Variants in IL13RA1 observed in about 807,000 individuals in gnomAD.
The protein encoded by IL13RA1 is interleukin 13 receptor subunit alpha 1, also known as interleukin-13 receptor subunit alpha-1.
In IL13RA1, 14 loss-of-function variants were observed where a neutral mutation model predicts 33.8. The ratio of observed to expected loss-of-function variants is 0.41; its 90% CI spans 0.27 to 0.65. IL13RA1 has a LOEUF of 0.65. Among genes scored for constraint, IL13RA1 ranks in the 30% least tolerant of loss-of-function variants. IL13RA1 has a pLI of 0.28. For missense variants in IL13RA1, 313 were observed against 327.0 expected, an observed-to-expected ratio of 0.96 and a Z score of 0.33; for synonymous variants, 116 against 115.7, an observed-to-expected ratio of 1.00 and a Z score of -0.02.
downstream of IL13RA1, among the ~76,000 whole-genome samples, chrX:118,798,648 T>C (rs1350077762): frequency 1.8e-5 from 2 of 112,447 alleles, no homozygotes; most frequent in Non-Finnish European, 3.8e-5. Context: ...GTCCCCCTTC[T>C]TGGATTATGC....
At chrX:118,786,365 C>T (rs368206520) in intron 10 of IL13RA1, among the ~76,000 whole-genome samples, 4 of 108,658 alleles carry the variant, frequency 3.7e-5, no homozygotes, top group Non-Finnish European at 5.7e-5. Flanking sequence ...CACTCCAGCC[C>T]GGGCAACAGT....
intron 10 of IL13RA1, among the ~76,000 whole-genome samples, chrX:118,790,521 A>G (rs2017964325): frequency 8.9e-6 from 1 of 111,764 alleles, no homozygotes; most frequent in Non-Finnish European, 1.9e-5. Flanking sequence ...TTTCTGGGTC[A>G]TGTGGTAAGT....
intron 4 of IL13RA1, among the ~76,000 whole-genome samples, chrX:118,753,469 T>C (rs1327439504): frequency 8.9e-6 from 1 of 112,464 alleles, no homozygotes; most frequent in African/African-American, 3.2e-5. Context: ...TGGAGGTCGC[T>C]CAAGATGCAA....
chrX:118,743,106 G>A (rs1160014642), intron 2 of IL13RA1, among the ~76,000 whole-genome samples: 1 of 111,696 alleles, frequency 9.0e-6, no homozygotes, highest in African/African-American at 3.3e-5. Flanking sequence ...GATGAACACG[G>A]ATTATTCCTT....
chrX:118,803,452 C>G, the IL13RA1 span, among the ~76,000 whole-genome samples: 42 of 112,356 alleles, frequency 3.7e-4, no homozygotes, highest in African/African-American at 1.2e-3. Context: ...TCTGTAAATA[C>G]TTTAGTATAT....
At chrX:118,805,066 T>C in the IL13RA1 span, among the ~76,000 whole-genome samples, 79 of 111,907 alleles carry the variant, frequency 7.1e-4, no homozygotes, top group African/African-American at 2.4e-3. Context: ...GTTGACCAAC[T>C]CCTCTTCCTT....
intron 10 of IL13RA1, among the ~76,000 whole-genome samples, chrX:118,779,721 C>T (rs1037018619): frequency 1.8e-5 from 2 of 111,705 alleles, no homozygotes; most frequent in Non-Finnish European, 3.8e-5. Context: ...ATAATAGGAA[C>T]TTGAACTTAG....
intron 10 of IL13RA1, among the ~76,000 whole-genome samples, chrX:118,784,111 G>GTA (rs1569459394): frequency 2.8e-4 from 7 of 25,359 alleles, no homozygotes; most frequent in South Asian, 4.2e-3. Context: ...ATATATATAC[G>GTA]TATATATGTA....
chrX:118,795,728 A>G (rs1214077091), downstream of IL13RA1, among the ~76,000 whole-genome samples: 1 of 112,103 alleles, frequency 8.9e-6, no homozygotes, highest in Non-Finnish European at 1.9e-5. Context: ...ATCTAAGCAC[A>G]TTTGATTTCC....
At chrX:118,796,569 C>T (rs371590964), downstream of IL13RA1, among the ~76,000 whole-genome samples, 69 of 112,002 alleles carry the variant, frequency 6.2e-4, no homozygotes, top group Middle Eastern at 9.2e-3. Flanking sequence ...CGGGATTTTG[C>T]TCGTGTTGCC....
chrX:118,785,792 A>G (rs1260223943), intron 10 of IL13RA1, among the ~76,000 whole-genome samples: 2 of 110,457 alleles, frequency 1.8e-5, no homozygotes, highest in South Asian at 3.8e-4. Flanking sequence ...CTGGTCTCGA[A>G]CCCCTGACCT....
rs771688538 is a variant in IL13RA1 at position 118,761,160 on chromosome X, T to A, written c.699T>A (p.Ile233=). Residue 233 remains isoleucine (I), a synonymous_variant, in exon 6 of 11, where the codon ATT becomes ATA. Transcript: ENST00000371666. ...CAGTGAAACCTGATCCTCCACATAT[T>A]AAAAACCTCTCCTTCCACAATGATG... ...TSRVKPDPPH[I]KNLSFHNDDL... is the part of the protein sequence containing the mutation. The A allele has an allele frequency of 1.9e-6, 2 of 1,037,782 alleles. No homozygotes were observed. Among genetic ancestry groups the A allele is most frequent in the Non-Finnish European group, 2.6e-6 (2 of 761,034 alleles). 85.5% of individuals were successfully genotyped at this position (1,037,782 alleles called of 1,213,427 possible).
Position 118,727,672 on chromosome X carries a change from G to C in IL13RA1, c.34G>C (p.Ala12Pro), listed in dbSNP as rs2017167989. Residue 12 changes from alanine (A) to proline (P), a missense_variant, in exon 1 of 11, where the codon GCG (alanine) becomes CCG (proline). Physicochemically the swap from Ala to Pro is conservative, Grantham distance 27. Coordinates refer to ENST00000371666, the MANE Select transcript of IL13RA1 (RefSeq NM_001560.3). ...GCCGGCGCGGCTCTGCGGGCTGTGG[G>C]CGCTGCTGCTCTGCGCCGGCGGCGG... ...EWPARLCGLW[A>P]LLLCAGGGGG... The C allele has an allele frequency of 1.1e-6, 1 of 917,389 alleles. No individual in the cohort carries two copies. Among genetic ancestry groups the C allele is most frequent in the Non-Finnish European group, 1.3e-6 (1 of 742,192 alleles). The allele number at this position is 917,389 out of a possible 1,213,427, so 75.6% of individuals were successfully genotyped here.
chrX:118,762,619 A>C (rs2017601495), intron 6 of IL13RA1, among the ~76,000 whole-genome samples: 1 of 111,646 alleles, frequency 9.0e-6, no homozygotes, highest in Non-Finnish European at 1.9e-5. Flanking sequence ...TGCATTATGA[A>C]TCCTTCTGCT....
At chrX:118,735,683 G>A (rs2017273994) in intron 1 of IL13RA1, among the ~76,000 whole-genome samples, 1 of 111,745 alleles carries the variant, frequency 8.9e-6, no homozygotes, top group Non-Finnish European at 1.9e-5. Flanking sequence ...AAGTAGCTGG[G>A]ATTACAGATG....
downstream of IL13RA1, chrX:118,794,575 G>C (rs1400450164): frequency 2.7e-5 from 3 of 111,959 alleles, no homozygotes; most frequent in African/African-American, 9.8e-5. Context: ...GAAATGGTGG[G>C]AGGTAGAGAA....
At chrX:118,767,440 C>T (rs769707837) in intron 8 of IL13RA1, among the ~76,000 whole-genome samples, 2 of 110,719 alleles carry the variant, frequency 1.8e-5, no homozygotes, top group African/African-American at 6.6e-5. Flanking sequence ...ACCCAAGAGG[C>T]AGAGATGGGA....
chrX:118,796,880 G>C (rs961565665), downstream of IL13RA1, among the ~76,000 whole-genome samples: 1 of 112,559 alleles, frequency 8.9e-6, no homozygotes, highest in Non-Finnish European at 1.9e-5. Context: ...ATTTATCTAC[G>C]AGCTAGACAA....
intron 5 of IL13RA1, 125 bp downstream of exon 5, chrX:118,758,367 T>C: frequency 5.4e-6 from 2 of 369,730 alleles, no homozygotes; most frequent in South Asian, 1.8e-4. Flanking sequence ...GGGACTATAT[T>C]GATGTATAAC....
Sources: allele counts gnomAD v4.1 joint callset (sites outside exome capture counted in the v4.1 genomes callset), GRCh38; gene constraint gnomAD v4.1.1; transcripts MANE v1.5; gene names NCBI Gene and HGNC (gene_info 2026-07-23, HGNC 2026-07-21).